Variants in NALCN observed in about 807,000 individuals in gnomAD.
NALCN encodes the protein sodium leak channel NALCN.
A neutral mutation model predicts 225.3 loss-of-function variants in NALCN; 111 were observed. The observed-to-expected ratio is 0.49, with a 90% CI of 0.42 to 0.58. The LOEUF (loss-of-function observed/expected upper bound fraction) is 0.58, where lower values mean the gene tolerates loss of function less well. Ranked by LOEUF, NALCN falls within the 20% of genes least tolerant of loss-of-function variation. The pLI is 0.00. For missense variants in NALCN, 1,378 were observed against 2,202.4 expected (o/e 0.63, Z 7.49); for synonymous variants, 764 against 769.0 (o/e 0.99, Z 0.11).
At chr13:101,119,202 A>G (rs2035856591) in intron 18 of NALCN, among the ~76,000 whole-genome samples, 1 of 152,160 alleles carries the variant, frequency 6.6e-6, no homozygotes. Context: ...CATAGTGATT[A>G]TATATATATG....
intron 1 of NALCN, among the ~76,000 whole-genome samples, chr13:101,407,724 T>C (rs1299092293): frequency 6.6e-6 from 1 of 152,194 alleles, no homozygotes; most frequent in Non-Finnish European, 1.5e-5. Context: ...AGTCTATTTG[T>C]CGGGAGAACA....
At chr13:101,263,361 T>C (rs1351932810) in intron 10 of NALCN, among the ~76,000 whole-genome samples, 1 of 152,232 alleles carries the variant, frequency 6.6e-6, no homozygotes, top group Non-Finnish European at 1.5e-5. Context: ...TTTATTGTTA[T>C]TTAGTCTTTC....
intron 20 of NALCN, 40 bp from the exon 21 acceptor site, chr13:101,107,829 G>A: frequency 6.5e-7 from 1 of 1,536,826 alleles, no homozygotes; most frequent in Non-Finnish European, 8.8e-7. Flanking sequence ...AAACAGGAGG[G>A]TTTTGAATGC....
At chr13:101,405,321 T>G (rs1010146033) in intron 1 of NALCN, among the ~76,000 whole-genome samples, 3 of 152,248 alleles carry the variant, frequency 2.0e-5, no homozygotes, top group Non-Finnish European at 4.4e-5. Context: ...TGTAGCATCA[T>G]ACATTTTATG....
chr13:101,130,624 A>T (rs669334), intron 17 of NALCN, among the ~76,000 whole-genome samples: 11,784 of 152,240 alleles, frequency 0.077, 619 homozygotes, highest in African/African-American at 0.15. Flanking sequence ...GGATGGAAAA[A>T]AATCTGGCTC....
chr13:101,295,496 T>TA (rs1186438364), intron 7 of NALCN, among the ~76,000 whole-genome samples: 1 of 152,206 alleles, frequency 6.6e-6, no homozygotes, highest in Non-Finnish European at 1.5e-5. Context: ...AGATCTTTCT[T>TA]AATCACATCT....
intron 33 of NALCN, among the ~76,000 whole-genome samples, chr13:101,082,041 C>T (rs2033681800): frequency 6.6e-6 from 1 of 152,066 alleles, no homozygotes; most frequent in South Asian, 2.1e-4. Flanking sequence ...CCACTCCTGG[C>T]TAATTTTTGT....
Position 101,058,047 on chromosome 13 carries a change from G to T in NALCN, c.4915C>A (p.Gln1639Lys), listed in dbSNP as rs2031483666. ...AGCGTGGGGCTCAGGAGCTGCTGCTGGCTGCTTGTCTGCATGGGAGGAGAA... is the reference window on the plus strand; with the variant it reads ...AGCGTGGGGCTCAGGAGCTGCTGCTTGCTGCTTGTCTGCATGGGAGGAGAA... ...DNSMQPETSS[Q>K]QQLLSPTLSD... Residue 1639 changes from glutamine (Q) to lysine (K), a missense_variant, in exon 43 of 44, where the codon CAG becomes AAG. Physicochemically the swap from Gln to Lys is moderately conservative, Grantham distance 53 (BLOSUM62 1). Around this residue, in one of 19 missense-constraint regions of NALCN, gnomAD observed 145 missense variants for 169.6 expected, o/e 0.85. Transcript: ENST00000251127. The T allele has an allele frequency of 6.2e-7, 1 of 1,612,592 alleles. No homozygotes were observed. Among genetic ancestry groups the T allele is most frequent in the South Asian group, 1.1e-5 (1 of 91,054 alleles).
At chr13:101,076,540 T>C (rs1414647628) in intron 34 of NALCN, among the ~76,000 whole-genome samples, 1 of 152,172 alleles carries the variant, frequency 6.6e-6, no homozygotes, top group African/African-American at 2.4e-5. Flanking sequence ...ATAACAACCT[T>C]GACATTCAGC....
intron 13 of NALCN, among the ~76,000 whole-genome samples, chr13:101,225,553 A>G (rs1361849302): frequency 1.3e-5 from 2 of 152,224 alleles, no homozygotes; most frequent in Admixed American, 6.5e-5. Context: ...ATTAAAAGAT[A>G]TAGCCCAAAG....
At chr13:101,391,679 T>C (rs1031249860) in intron 3 of NALCN, among the ~76,000 whole-genome samples, 1 of 138,118 alleles carries the variant, frequency 7.2e-6, no homozygotes, top group Non-Finnish European at 1.6e-5. Flanking sequence ...CAAGATCTTG[T>C]CTCTACTAAA....
chr13:101,214,269 G>A lies in NALCN; in HGVS notation c.1626+15124C>T, dbSNP rs182820861. Among the ~76,000 whole-genome samples the A allele has an allele frequency of 9.5e-4, 141 of 149,018 alleles. 1 individual carries two copies. Among genetic ancestry groups the A allele is most frequent in the Admixed American group, 1.4e-3 (21 of 14,932 alleles). ...ATGAGAACATTTGGACACAGGGTGG[G>A]GAATATCACACTCCAGGGCCTGTCA... On this transcript the variant is annotated intron_variant, in intron 13 of 43. Coordinates refer to ENST00000251127, the MANE Select transcript of NALCN (RefSeq NM_052867.4).
chr13:101,176,325 T>C lies in NALCN; in HGVS notation c.1814A>G (p.Asp605Gly). The change falls in exon 15 of 44, where the codon GAT becomes GGT. Residue 605 changes from aspartate (D) to glycine (G), a missense_variant. Asp to Gly is a moderately conservative substitution (Grantham distance 94). This residue lies in a region of NALCN where 62 missense variants were observed against 143.6 expected (regional missense o/e 0.43). Coordinates refer to ENST00000251127, the MANE Select transcript of NALCN (RefSeq NM_052867.4). The part of the protein sequence containing the change: ...VAVILDNLEL[D>G]EDLKKLKQLK... ...TTGTTTAAGCTTCTTTAGGTCTTCA[T>C]CAAGTTCTAAGTTGTCCAAAATAAC... is the stretch of plus-strand genomic sequence containing the variant. 6.3e-7 allele frequency: 1 copy of C among 1,595,728 alleles called. No homozygotes were observed. The highest frequency in any genetic ancestry group is 1.8e-5 in the Admixed American group (1 of 55,988).
intron 10 of NALCN, among the ~76,000 whole-genome samples, chr13:101,262,119 C>T (rs1051404771): frequency 6.6e-6 from 1 of 152,144 alleles, no homozygotes; most frequent in African/African-American, 2.4e-5. Flanking sequence ...TAGCTTTTAT[C>T]CTTCATTCTG....
At chr13:101,397,528 T>A (rs1483507893) in intron 2 of NALCN, among the ~76,000 whole-genome samples, 6 of 151,182 alleles carry the variant, frequency 4.0e-5, no homozygotes, top group African/African-American at 1.2e-4. Context: ...TATATACACA[T>A]GATATTTATA....
At chr13:101,110,182 C>T (rs990376799) in intron 20 of NALCN, among the ~76,000 whole-genome samples, 1 of 152,106 alleles carries the variant, frequency 6.6e-6, no homozygotes, top group African/African-American at 2.4e-5. Context: ...CTAGGTAGTC[C>T]TTGACAGGAA....
intron 15 of NALCN, among the ~76,000 whole-genome samples, chr13:101,174,092 A>G (rs1215510874): frequency 6.6e-6 from 1 of 152,222 alleles, no homozygotes; most frequent in African/African-American, 2.4e-5. Flanking sequence ...TTAACCAGGA[A>G]CACTTTAACT....
intron 1 of NALCN, among the ~76,000 whole-genome samples, chr13:101,400,596 C>T (rs913070492): frequency 5.3e-5 from 8 of 149,632 alleles, no homozygotes; most frequent in Non-Finnish European, 7.4e-5. Context: ...TGTGTGCGCG[C>T]GCACACAGAT....
At position 101,214,382 on chromosome 13, in the gene NALCN, C is replaced by T. The variant is rs566625253; in HGVS notation, c.1626+15011G>A. ...ATGGGTGCAGCACACCAACATGGCA[C>T]ATGTATACATATGTAACAAACCTGC... On this transcript the variant is annotated intron_variant, in intron 13 of 43. Transcript: ENST00000251127. Among the ~76,000 whole-genome samples the T allele has an allele frequency of 3.9e-5, 6 of 152,188 alleles. No homozygotes were observed. The South Asian group carries it at 1.2e-3, about 32-fold the overall frequency.
Sources: allele counts gnomAD v4.1 joint callset (sites outside exome capture counted in the v4.1 genomes callset), GRCh38; gene constraint gnomAD v4.1.1; regional missense constraint gnomAD v4.1.1; transcripts MANE v1.5; gene names NCBI Gene and HGNC (gene_info 2026-07-23, HGNC 2026-07-21).